Variants in CCDC57 observed in about 807,000 individuals in gnomAD.
The protein encoded by CCDC57 is coiled-coil domain-containing protein 57.
Under a neutral mutation model 118.9 loss-of-function variants are expected in CCDC57, and 118 were observed. The ratio of observed to expected loss-of-function variants is 0.99; its 90% confidence interval spans 0.86 to 1.16. CCDC57 has a LOEUF of 1.16. Among genes scored for constraint, CCDC57 ranks in the 50% most tolerant of loss-of-function variants. CCDC57 has a pLI of 0.00. For synonymous variants in CCDC57, 527 were observed against 532.9 expected, an observed-to-expected ratio of 0.99 and a Z score of 0.15; for missense variants, 1,300 against 1,320.7, an observed-to-expected ratio of 0.98 and a Z score of 0.24.
At chr17:82,107,085 C>G (rs2034901994) in intron 19 of CCDC57, among the ~76,000 whole-genome samples, 1 of 152,222 alleles carries the variant, frequency 6.6e-6, no homozygotes, top group South Asian at 2.1e-4. Flanking sequence ...TCCAGGGAGC[C>G]TGGCTCTGCA....
intron 8 of CCDC57, among the ~76,000 whole-genome samples, chr17:82,186,666 C>T (rs529818098): frequency 8.5e-5 from 13 of 152,220 alleles, no homozygotes; most frequent in South Asian, 4.2e-4. Context: ...AATTCTCTAT[C>T]GGTGGTGGCT....
At chr17:82,138,218 G>A (rs1477738802) in intron 16 of CCDC57, among the ~76,000 whole-genome samples, 4 of 144,740 alleles carry the variant, frequency 2.8e-5, no homozygotes, top group Non-Finnish European at 4.5e-5. Context: ...GTACAATCTC[G>A]GCTCACTGCA....
intron 3 of CCDC57, among the ~76,000 whole-genome samples, chr17:82,200,022 C>T (rs1013771966): frequency 6.6e-6 from 1 of 152,208 alleles, no homozygotes; most frequent in African/African-American, 2.4e-5. Flanking sequence ...GCGATCCCTG[C>T]GGGCTGCTAC....
chr17:82,145,187 A>T (rs1598876470), intron 16 of CCDC57, among the ~76,000 whole-genome samples: 1 of 139,308 alleles, frequency 7.2e-6, no homozygotes. Flanking sequence ...CACTTGGCTA[A>T]TTTTTTTTTT....
chr17:82,151,284 C>CTG (rs2042015776), intron 16 of CCDC57, among the ~76,000 whole-genome samples: 1 of 148,456 alleles, frequency 6.7e-6, no homozygotes, highest in South Asian at 2.2e-4. Flanking sequence ...CACCCAGAAC[C>CTG]AGGCGCATAC....
chr17:82,162,551 G>A (rs8079122), intron 14 of CCDC57, among the ~76,000 whole-genome samples: 1 of 144,380 alleles, frequency 6.9e-6, no homozygotes, highest in African/African-American at 2.6e-5. Context: ...ACATGCGTCC[G>A]GTTGACCAGG....
In CCDC57 at chr17:82,201,986, C is replaced by T. The variant is rs528620925; in HGVS notation, c.-8-34G>A. On this transcript the variant is annotated intron_variant, in intron 2 of 19. Coordinates refer to ENST00000665763, the Ensembl canonical transcript of CCDC57. ...AAGAGAAATCAGGTTCAGGGTGCACCGTGAGGGGCCCTAATTTTCCTACCA... is the reference window on the plus strand; with the variant it reads ...AAGAGAAATCAGGTTCAGGGTGCACTGTGAGGGGCCCTAATTTTCCTACCA... 71 of 1,513,150 alleles carry T rather than the reference C, an allele frequency of 4.7e-5. No homozygotes were observed. The East Asian group carries it at 1.1e-3, about 23-fold the overall frequency. The allele number at this position is 1,513,150 out of a possible 1,614,324, so 93.7% of individuals were successfully genotyped here.
chr17:82,200,718 G>A (rs7406326), intron 3 of CCDC57, among the ~76,000 whole-genome samples: 32,941 of 151,916 alleles, frequency 0.22, 3,715 homozygotes, highest in African/African-American at 0.26. Context: ...ACTTGAACCC[G>A]GGAGATGGAG....
In CCDC57 at chr17:82,105,836, A is replaced by G. The variant is rs139809471; in HGVS notation, c.2900-3970T>C. 4.6e-3 allele frequency among the ~76,000 whole-genome samples: 694 copies of G among 152,306 alleles called. 1 individual carries two copies. Among genetic ancestry groups the G allele is most frequent in the South Asian group, 7.7e-3 (37 of 4,832 alleles). On this transcript the variant is annotated intron_variant, in intron 19 of 19. Transcript: ENST00000665763. ...CCTGGAGCCCCCACTGGGCAGATGC[A>G]CAAGAGGGGAGGGTACTGGACATTG...
chr17:82,128,511 G>T, exon 18 of CCDC57: 2 of 1,564,200 alleles, frequency 1.3e-6, no homozygotes, highest in Non-Finnish European at 1.7e-6. Flanking sequence ...CTTGCAGGGC[G>T]TCAAGTCTGC....
At chr17:82,117,530 T>C (rs11870632) in intron 19 of CCDC57, among the ~76,000 whole-genome samples, 80,175 of 151,840 alleles carry the variant, frequency 0.53, 21,943 homozygotes, top group Non-Finnish European at 0.57. Flanking sequence ...CCCAGCTACT[T>C]GGAATGCTGA....
chr17:82,208,088 TAC>T (rs2049877871), intron 1 of CCDC57: 1 of 152,016 alleles, frequency 6.6e-6, no homozygotes, highest in Non-Finnish European at 1.5e-5. Context: ...CTACTAAAAA[TAC>T]ACAGAGAAGG....
At chr17:82,204,138 TC>T (rs2049314046) in intron 2 of CCDC57, among the ~76,000 whole-genome samples, 1 of 152,006 alleles carries the variant, frequency 6.6e-6, no homozygotes, top group Non-Finnish European at 1.5e-5. Context: ...AAAGACGGTC[TC>T]CTCCATCCCA....
chr17:82,198,005 G>C (rs914442464), intron 4 of CCDC57, among the ~76,000 whole-genome samples: 1 of 152,162 alleles, frequency 6.6e-6, no homozygotes, highest in African/African-American at 2.4e-5. Flanking sequence ...AACTGCACGA[G>C]TGAATTCCTA....
intron 19 of CCDC57, among the ~76,000 whole-genome samples, chr17:82,119,614 C>T (rs1251447335): frequency 6.6e-6 from 1 of 152,002 alleles, no homozygotes; most frequent in African/African-American, 2.4e-5. Flanking sequence ...TTGGAGGAGG[C>T]AGGTGCTGGG....
At chr17:82,196,501 G>A (rs777464778) in intron 4 of CCDC57, among the ~76,000 whole-genome samples, 1 of 152,258 alleles carries the variant, frequency 6.6e-6, no homozygotes, top group African/African-American at 2.4e-5. Context: ...TGACGTGAGC[G>A]TGGCCTCCTT....
intron 16 of CCDC57, among the ~76,000 whole-genome samples, chr17:82,142,709 C>G (rs1226896840): frequency 6.6e-6 from 1 of 151,494 alleles, no homozygotes; most frequent in African/African-American, 2.4e-5. Context: ...TTTGGCAGTT[C>G]AAATTGAGGA....
At chr17:82,200,331 G>A (rs1218094172) in intron 3 of CCDC57, among the ~76,000 whole-genome samples, 1 of 152,180 alleles carries the variant, frequency 6.6e-6, no homozygotes, top group African/African-American at 2.4e-5. Flanking sequence ...CGCACATTTC[G>A]GAGCAGTGTG....
chr17:82,149,774 G>C (rs1246010894), intron 16 of CCDC57, among the ~76,000 whole-genome samples: 1 of 150,830 alleles, frequency 6.6e-6, no homozygotes, highest in Non-Finnish European at 1.5e-5. Context: ...CCCAGAACCT[G>C]GCCCGCACCC....
Sources: gnomAD v4.1 joint callset for allele counts (sites outside exome capture counted in the v4.1 genomes callset) on GRCh38, gnomAD v4.1.1 for gene constraint, MANE v1.5 for transcripts, NCBI Gene and HGNC (gene_info 2026-07-23, HGNC 2026-07-21) for gene names.